The following L2HGDH variants were observed in gnomAD, a reference collection of about 807,000 sequenced individuals.
The protein encoded by L2HGDH is L-2-hydroxyglutarate dehydrogenase, mitochondrial.
Under a neutral mutation model 51.5 loss-of-function variants are expected in L2HGDH, and 34 were observed. The observed-to-expected ratio is 0.66, with a 90% CI of 0.50 to 0.88. The LOEUF (loss-of-function observed/expected upper bound fraction) is 0.88, where lower values mean the gene tolerates loss of function less well. L2HGDH is among the 40% of genes least tolerant of loss of function. The probability of loss-of-function intolerance (pLI) is 0.00; values close to 1 mark genes in which losing one functional copy is unlikely to be tolerated. For synonymous variants in L2HGDH, 198 were observed against 197.9 expected (o/e 1.00, Z -0.01); for missense variants, 558 against 571.9 (o/e 0.98, Z 0.25).
In L2HGDH at chr14:50,244,637, A is replaced by G; in HGVS notation, c.*2421T>C. The stretch of plus-strand genomic sequence containing the variant: ...ATATACTCATCCTAAGAGTTGAATA[A>G]TGGCCTACTCTGTTTACCTGGGATG... On this transcript the variant is annotated 3_prime_UTR_variant, in exon 10 of 10. Coordinates refer to ENST00000267436, the MANE Select transcript of L2HGDH (RefSeq NM_024884.3). The G allele has an allele frequency of 3.0e-6, 3 of 985,432 alleles. No homozygotes were observed. Among genetic ancestry groups the G allele is most frequent in the Non-Finnish European group, 3.6e-6 (3 of 829,922 alleles). 61.0% of individuals were successfully genotyped at this position (985,432 alleles called of 1,614,324 possible). A position where few individuals can be genotyped will look rare whatever the true frequency, so the allele number is the denominator to read the frequency against.
At chr14:50,274,150 G>A (rs1014989746) in intron 6 of L2HGDH, among the ~76,000 whole-genome samples, 6 of 141,194 alleles carry the variant, frequency 4.2e-5, no homozygotes, top group African/African-American at 1.0e-4. Flanking sequence ...ATGGCAGCAC[G>A]TGCCTGTAAT....
At chr14:50,295,572 ATTTTTTTTTTTTTT>A (rs545388262) in intron 3 of L2HGDH, among the ~76,000 whole-genome samples, 1 of 105,788 alleles carries the variant, frequency 9.5e-6, no homozygotes, top group African/African-American at 4.2e-5. Flanking sequence ...CACTCGGCTA[ATTTTTTTTTTTTTT>A]TTTTTTTTTT....
At chr14:50,302,831 A>T in intron 2 of L2HGDH, 71 bp downstream of exon 2, 1 of 1,017,886 alleles carries the variant, frequency 9.8e-7, no homozygotes, top group Non-Finnish European at 1.6e-6. Context: ...ATTCAGCATG[A>T]AAGATTCACA....
Position 50,283,965 on chromosome 14 carries a change from G to A in L2HGDH, c.609C>T (p.Ala203=), listed in dbSNP as rs745985595. The A allele has an allele frequency of 1.2e-6, 2 of 1,613,878 alleles. No individual in the cohort carries two copies. The highest frequency in any genetic ancestry group is 1.7e-6 in the Non-Finnish European group (2 of 1,179,966). ...AGCCACCTGCTTCTTGGAAATCCTG[G>A]GCAAATGACAAAGCCACCTGCCGAT... is the stretch of plus-strand genomic sequence containing the variant. ...VDYRQVALSF[A]QDFQEAGGSV... Residue 203 remains alanine, a synonymous_variant, in exon 5 of 10, where the codon GCC becomes GCT. Coordinates refer to ENST00000267436, the MANE Select transcript of L2HGDH (RefSeq NM_024884.3).
In L2HGDH at chr14:50,245,226, C is replaced by G; in HGVS notation, c.*1832G>C. The stretch of plus-strand genomic sequence containing the variant: ...CGTATGAATCATTACCAATCTTGGC[C>G]AACATTTTGAGAGCCTTAGTGTGAC... On this transcript the variant is annotated 3_prime_UTR_variant, in exon 10 of 10. Transcript: ENST00000267436. 1 of 985,188 alleles carries G rather than the reference C, an allele frequency of 1.0e-6. No individual in the cohort carries two copies. Among genetic ancestry groups the G allele is most frequent in the Non-Finnish European group, 1.2e-6 (1 of 829,730 alleles). 61.0% of individuals were successfully genotyped at this position (985,188 alleles called of 1,614,324 possible).
At chr14:50,274,302 C>T (rs1462005144) in intron 6 of L2HGDH, among the ~76,000 whole-genome samples, 1 of 140,070 alleles carries the variant, frequency 7.1e-6, no homozygotes, top group African/African-American at 2.6e-5. Flanking sequence ...GTGGGGGGGC[C>T]AAGGACCTGA....
intron 4 of L2HGDH, among the ~76,000 whole-genome samples, chr14:50,288,251 A>C (rs17716174): frequency 0.093 from 14,111 of 152,232 alleles, 753 homozygotes; most frequent in Non-Finnish European, 0.12. Context: ...TTCGGGAAGG[A>C]CATGTTTAAT....
At chr14:50,306,048 A>G (rs1434241911) in intron 1 of L2HGDH, among the ~76,000 whole-genome samples, 1 of 121,364 alleles carries the variant, frequency 8.2e-6, no homozygotes, top group Non-Finnish European at 1.8e-5. Flanking sequence ...GTTTTGACTG[A>G]CTTTTTTTTT....
intron 9 of L2HGDH, among the ~76,000 whole-genome samples, chr14:50,249,058 T>C (rs1888176753): frequency 6.6e-6 from 1 of 151,900 alleles, no homozygotes; most frequent in South Asian, 2.1e-4. Flanking sequence ...CCTGTCACAG[T>C]GGAGAATAAA....
Position 50,245,484 on chromosome 14 carries a change from TG to T in L2HGDH, c.*1573del. 1 of 982,392 alleles carries T rather than the reference TG, an allele frequency of 1.0e-6. No homozygotes were observed. Among genetic ancestry groups the T allele is most frequent in the Non-Finnish European group, 1.2e-6 (1 of 827,154 alleles). 60.9% of individuals were successfully genotyped at this position (982,392 alleles called of 1,614,324 possible). A position where few individuals can be genotyped will look rare whatever the true frequency, so the allele number is the denominator to read the frequency against. On this transcript the variant is annotated 3_prime_UTR_variant, in exon 10 of 10. Coordinates refer to ENST00000267436, the MANE Select transcript of L2HGDH (RefSeq NM_024884.3). ...CTGGAAATAATAAAGGCTTTGAGTT[TG>T]TTTTGTTATTTCCTACAAATATTAT...
At chr14:50,268,702 T>C (rs1013394784) in intron 7 of L2HGDH, among the ~76,000 whole-genome samples, 2 of 152,190 alleles carry the variant, frequency 1.3e-5, no homozygotes, top group African/African-American at 4.8e-5. Flanking sequence ...TTTTAAGAGA[T>C]TCATTCATTT....
intron 4 of L2HGDH, among the ~76,000 whole-genome samples, chr14:50,289,724 G>A (rs1348715069): frequency 3.3e-5 from 5 of 152,120 alleles, no homozygotes; most frequent in Admixed American, 6.5e-5. Flanking sequence ...ACGTTTAGCC[G>A]AATGCCTTAT....
At position 50,245,073 on chromosome 14, in the gene L2HGDH, A is replaced by C. The variant is rs74984624; in HGVS notation, c.*1985T>G. On this transcript the variant is annotated 3_prime_UTR_variant, in exon 10 of 10. Coordinates refer to ENST00000267436, the MANE Select transcript of L2HGDH (RefSeq NM_024884.3). ...ATACCACAGCACTGGGCATCAACTT[A>C]AAATACTCATGAGGTGAATGTAAGG... is the stretch of plus-strand genomic sequence containing the variant. 3.0e-6 allele frequency: 3 copies of C among 985,760 alleles called. No individual in the cohort carries two copies. In the East Asian group the frequency reaches 3.4e-4, roughly 112 times the overall value. The allele number at this position is 985,760 out of a possible 1,614,324, so 61.1% of individuals were successfully genotyped here.
intron 4 of L2HGDH, among the ~76,000 whole-genome samples, chr14:50,288,949 C>A (rs1484015208): frequency 6.6e-6 from 1 of 152,164 alleles, no homozygotes; most frequent in Non-Finnish European, 1.5e-5. Flanking sequence ...TGTCTTTTAA[C>A]ACACTCAATA....
At position 50,243,426 on chromosome 14, in the gene L2HGDH, T is replaced by G. The variant is rs1887873791; in HGVS notation, c.*3632A>C. ...GTTTATGTTTTACACATAAAAAAAT[T>G]TATTTGCATAAAAGTTTTTATGGAA... On this transcript the variant is annotated 3_prime_UTR_variant, in exon 10 of 10. Transcript: ENST00000267436. 1 of 961,178 alleles carries G rather than the reference T, an allele frequency of 1.0e-6. No individual in the cohort carries two copies. Among genetic ancestry groups the G allele is most frequent in the South Asian group, 4.8e-5 (1 of 20,766 alleles). The allele number at this position is 961,178 out of a possible 1,614,324, so 59.5% of individuals were successfully genotyped here.
intron 1 of L2HGDH, among the ~76,000 whole-genome samples, chr14:50,310,895 C>T (rs2031086315): frequency 6.6e-6 from 1 of 150,394 alleles, no homozygotes; most frequent in South Asian, 2.1e-4. Context: ...TTTAGAACAT[C>T]AACATTTAAT....
At chr14:50,284,723 A>G (rs1186779938) in intron 4 of L2HGDH, among the ~76,000 whole-genome samples, 4 of 152,128 alleles carry the variant, frequency 2.6e-5, no homozygotes, top group African/African-American at 4.8e-5. Context: ...TTTTTTGTAT[A>G]TATCAGTTCT....
chr14:50,244,623 C>T lies in L2HGDH; in HGVS notation c.*2435G>A, dbSNP rs1013125066. 1.0e-6 allele frequency: 1 copy of T among 985,240 alleles called. No homozygotes were observed. The highest frequency in any genetic ancestry group is 1.7e-5 in the African/African-American group (1 of 57,204). 61.0% of individuals were successfully genotyped at this position (985,240 alleles called of 1,614,324 possible). On this transcript the variant is annotated 3_prime_UTR_variant, in exon 10 of 10. Transcript: ENST00000267436. ...TCTGAATGCTTTTAATATACTCATC[C>T]TAAGAGTTGAATAATGGCCTACTCT... is the stretch of plus-strand genomic sequence containing the variant.
chr14:50,281,447 C>A (rs1391078336), intron 5 of L2HGDH, among the ~76,000 whole-genome samples: 2 of 151,928 alleles, frequency 1.3e-5, no homozygotes, highest in Admixed American at 6.6e-5. Context: ...ACAAAATTAG[C>A]CAGATGGGGT....
Sources: allele counts gnomAD v4.1 joint callset (sites outside exome capture counted in the v4.1 genomes callset), GRCh38; gene constraint gnomAD v4.1.1; transcripts MANE v1.5; gene names NCBI Gene and HGNC (gene_info 2026-07-23, HGNC 2026-07-21).